Variants in BANK1 observed in about 807,000 individuals in gnomAD.
BANK1 encodes the protein B cell scaffold protein with ankyrin repeats 1.
BANK1 carries 95 observed loss-of-function variants against 94.5 expected under a neutral mutation model. The ratio of observed to expected loss-of-function variants is 1.00; its 90% CI spans 0.85 to 1.19. The LOEUF (loss-of-function observed/expected upper bound fraction) is 1.19, where lower values mean the gene tolerates loss of function less well. Among genes scored for constraint, BANK1 ranks in the 50% most tolerant of loss-of-function variants. The pLI, the probability that BANK1 is intolerant of heterozygous loss-of-function variation, is 0.00. For synonymous variants in BANK1, 334 were observed against 308.4 expected (o/e 1.08, Z -0.87); for missense variants, 987 against 932.2 (o/e 1.06, Z -0.77).
intron 7 of BANK1, among the ~76,000 whole-genome samples, chr4:102,011,844 C>G (rs1019665553): frequency 6.6e-6 from 1 of 151,918 alleles, no homozygotes; most frequent in Non-Finnish European, 1.5e-5. Flanking sequence ...TATTTCTTGT[C>G]TAGAAATAAT....
intron 7 of BANK1, among the ~76,000 whole-genome samples, chr4:102,002,963 G>T (rs1458862337): frequency 6.6e-6 from 1 of 152,056 alleles, no homozygotes; most frequent in Non-Finnish European, 1.5e-5. Flanking sequence ...ATGTAGAGAT[G>T]GGGGCCACAC....
At chr4:101,875,008 A>G (rs542988736) in intron 5 of BANK1, among the ~76,000 whole-genome samples, 1 of 152,320 alleles carries the variant, frequency 6.6e-6, no homozygotes, top group African/African-American at 2.4e-5. Flanking sequence ...GCAGAATAGA[A>G]GGCTCTACCA....
chr4:101,954,599 T>G (rs1329326727), intron 7 of BANK1, among the ~76,000 whole-genome samples: 1 of 152,074 alleles, frequency 6.6e-6, no homozygotes, highest in Admixed American at 6.6e-5. Flanking sequence ...AGGGCTGGCA[T>G]GCTGACAAAA....
At chr4:101,860,915 GC>G (rs973146373) in intron 3 of BANK1, among the ~76,000 whole-genome samples, 1 of 152,210 alleles carries the variant, frequency 6.6e-6, no homozygotes, top group African/African-American at 2.4e-5. Flanking sequence ...GACTAACTGA[GC>G]CCAAGTGAAA....
At chr4:101,860,469 C>T (rs191967209) in intron 3 of BANK1, among the ~76,000 whole-genome samples, 21 of 151,976 alleles carry the variant, frequency 1.4e-4, no homozygotes, top group African/African-American at 4.6e-4. Context: ...CTTGCTCTGT[C>T]GCCCAGGCTG....
In BANK1 at chr4:101,790,894, C is replaced by A. The variant is rs1186752487; in HGVS notation, c.14C>A (p.Ala5Glu). ...TCAACCGCCACAATGCTGCCAGCAG[C>A]GCCAGGCAAGGGGCTTGGGAGCCCG... The part of the protein sequence containing the change: MLPA[A>E]PGKGLGSPDP... The change falls in exon 1 of 17, where the codon GCG becomes GAG. Residue 5 changes from alanine to glutamate, a missense_variant. Transcript: ENST00000322953. 2.6e-6 allele frequency: 4 copies of A among 1,539,540 alleles called. No individual in the cohort carries two copies. Among genetic ancestry groups the A allele is most frequent in the Non-Finnish European group, 2.6e-6 (3 of 1,147,178 alleles).
chr4:101,986,497 A>G lies in BANK1; in HGVS notation c.1207-35017A>G, dbSNP rs190358245. ...GATCTTGCTGAGCTTCAGTTTCCTT[A>G]CTTTAAAAATATGGATGATAATTTA... On this transcript the variant is annotated intron_variant, in intron 7 of 16. Coordinates refer to ENST00000322953, the MANE Select transcript of BANK1 (RefSeq NM_017935.5). Among the ~76,000 whole-genome samples, 147 of 152,138 alleles carry G rather than the reference A, an allele frequency of 9.7e-4. 1 individual carries two copies. Among genetic ancestry groups the G allele is most frequent in the African/African-American group, 3.3e-3 (139 of 41,526 alleles).
intron 4 of BANK1, 34 bp downstream of exon 4, chr4:101,862,698 A>G (rs1727926973): frequency 1.9e-6 from 3 of 1,549,098 alleles, no homozygotes; most frequent in South Asian, 2.5e-5. Context: ...AGCATAAAAC[A>G]TTATCCTGAG....
At chr4:102,003,835 A>G (rs771558171) in intron 7 of BANK1, among the ~76,000 whole-genome samples, 34 of 151,200 alleles carry the variant, frequency 2.2e-4, no homozygotes, top group Non-Finnish European at 3.7e-4. Flanking sequence ...TTACTTATGT[A>G]TATATATATG....
At chr4:101,912,221 C>A (rs1483218328) in intron 6 of BANK1, among the ~76,000 whole-genome samples, 1 of 152,110 alleles carries the variant, frequency 6.6e-6, no homozygotes, top group Non-Finnish European at 1.5e-5. Flanking sequence ...CCACTGTATA[C>A]CACACTCTAT....
At chr4:102,007,144 TTTTATATATA>T (rs1446786065) in intron 7 of BANK1, among the ~76,000 whole-genome samples, 16 of 83,944 alleles carry the variant, frequency 1.9e-4, no homozygotes, top group African/African-American at 6.9e-4. Flanking sequence ...AAAAAATATA[TTTTATATATA>T]TATATATATA....
chr4:102,021,572 C>A lies in BANK1; in HGVS notation c.1265C>A (p.Ser422Ter). 1 of 1,429,748 alleles carries A rather than the reference C, an allele frequency of 7.0e-7. No individual in the cohort carries two copies. Among genetic ancestry groups the A allele is most frequent in the Non-Finnish European group, 9.4e-7 (1 of 1,058,584 alleles). 88.6% of individuals were successfully genotyped at this position (1,429,748 alleles called of 1,614,324 possible). The change falls in exon 8 of 17, where the codon TCA becomes TAA. Residue 422 changes from serine (S) to a stop codon, truncating the protein, a stop_gained. Transcript: ENST00000322953. LOFTEE classifies it high-confidence loss of function. ...AATGATTATGAAGAGGATATTGCCTCATTTTCCACATATATTCCTTGTAAG... is the reference window on the plus strand; with the variant it reads ...AATGATTATGAAGAGGATATTGCCTAATTTTCCACATATATTCCTTGTAAG... ...QENDYEEDIA[S>*]FSTYIPSTQN... is the part of the protein sequence containing the mutation.
chr4:101,987,778 A>G (rs926587244), intron 7 of BANK1, among the ~76,000 whole-genome samples: 1 of 152,200 alleles, frequency 6.6e-6, no homozygotes, highest in Non-Finnish European at 1.5e-5. Flanking sequence ...CATCTTTATC[A>G]AAAATGTCCA....
chr4:102,052,893 A>T (rs1341621278), intron 11 of BANK1, among the ~76,000 whole-genome samples: 1 of 152,194 alleles, frequency 6.6e-6, no homozygotes, highest in Non-Finnish European at 1.5e-5. Context: ...AAAGCAAAAT[A>T]TGTGAAAGAC....
intron 13 of BANK1, among the ~76,000 whole-genome samples, chr4:102,066,247 C>T (rs1179149972): frequency 6.8e-6 from 1 of 147,324 alleles, no homozygotes; most frequent in African/African-American, 2.5e-5. Context: ...ATTAAAAATA[C>T]AATAACATCT....
chr4:101,937,319 A>T (rs1303440361), intron 7 of BANK1, among the ~76,000 whole-genome samples: 1 of 151,498 alleles, frequency 6.6e-6, no homozygotes, highest in Admixed American at 6.6e-5. Flanking sequence ...ATAGGAGAAA[A>T]TTTTTGCAAT....
chr4:101,992,737 G>T (rs1725750068), intron 7 of BANK1, among the ~76,000 whole-genome samples: 1 of 152,114 alleles, frequency 6.6e-6, no homozygotes, highest in African/African-American at 2.4e-5. Context: ...TATGCTAGAT[G>T]ACCTGCTAAA....
chr4:101,803,309 G>C (rs529617942), intron 1 of BANK1, among the ~76,000 whole-genome samples: 43 of 152,266 alleles, frequency 2.8e-4, no homozygotes, highest in African/African-American at 1.0e-3. Flanking sequence ...TTCATTGAGT[G>C]AGAGGGAGGG....
Position 101,956,234 on chromosome 4 carries a change from C to A in BANK1, c.1206+38045C>A, listed in dbSNP as rs76441637. On this transcript the variant is annotated intron_variant, in intron 7 of 16. Transcript: ENST00000322953. The stretch of plus-strand genomic sequence containing the variant: ...TGTTTGAGCAAAGGCAGGCAGCCAC[C>A]TGTTGGACTCCTGCATGGAAAAAAA... Among the ~76,000 whole-genome samples the A allele has an allele frequency of 4.7e-3, 708 of 152,242 alleles. 13 individuals carry two copies. In the East Asian group the frequency reaches 0.056, roughly 12 times the overall value.
Sources: gnomAD v4.1 joint callset for allele counts (sites outside exome capture counted in the v4.1 genomes callset) on GRCh38, gnomAD v4.1.1 for gene constraint, MANE v1.5 for transcripts, NCBI Gene and HGNC (gene_info 2026-07-23, HGNC 2026-07-21) for gene names.